Variants in SFT2D1 observed in about 807,000 individuals in gnomAD.
The protein encoded by SFT2D1 is vesicle transport protein SFT2A.
In SFT2D1, 24 loss-of-function variants were observed where a neutral mutation model predicts 28.1. The observed-to-expected ratio is 0.85, with a 90% CI of 0.62 to 1.20. SFT2D1 has a LOEUF of 1.20. Among genes scored for constraint, SFT2D1 ranks in the 50% most tolerant of loss-of-function variants. The pLI, the probability that SFT2D1 is intolerant of heterozygous loss-of-function variation, is 0.00. For synonymous variants in SFT2D1, 82 were observed against 73.7 expected (o/e 1.11, Z -0.58); for missense variants, 181 against 190.9 (o/e 0.95, Z 0.31).
At chr6:166,339,101 G>A (rs765946545) in intron 1 of SFT2D1, among the ~76,000 whole-genome samples, 17 of 152,048 alleles carry the variant, frequency 1.1e-4, no homozygotes, top group African/African-American at 2.4e-4. Context: ...AGGTCTGTGC[G>A]CCTTTAATCC....
chr6:166,336,206 T>TTAC (rs1366575013), intron 1 of SFT2D1, among the ~76,000 whole-genome samples: 1 of 152,084 alleles, frequency 6.6e-6, no homozygotes, highest in African/African-American at 2.4e-5. Flanking sequence ...ACTTGGAACT[T>TTAC]ATTTACACTC....
Position 166,320,027 on chromosome 6 carries a change from A to T in SFT2D1, c.*190T>A, listed in dbSNP as rs973362261. 1.8e-5 allele frequency: 10 copies of T among 558,224 alleles called. No homozygotes were observed. The highest frequency in any genetic ancestry group is 3.9e-5 in the African/African-American group (2 of 50,848). The allele number at this position is 558,224 out of a possible 1,614,324, so 34.6% of individuals were successfully genotyped here. A position where few individuals can be genotyped will look rare whatever the true frequency, so the allele number is the denominator to read the frequency against. On this transcript the variant is annotated 3_prime_UTR_variant, in exon 8 of 8. Transcript: ENST00000361731. ...AAAGTATATTAATGACACATAATGA[A>T]TTTAAAGTTACAAGCATTTAATGGT...
At chr6:166,326,793 G>A (rs1210237674) in intron 4 of SFT2D1, among the ~76,000 whole-genome samples, 3 of 152,188 alleles carry the variant, frequency 2.0e-5, no homozygotes, top group South Asian at 2.1e-4. Flanking sequence ...ACGTTCCCAC[G>A]TTCTCTCAAC....
At chr6:166,336,637 T>C (rs1166076065) in intron 1 of SFT2D1, among the ~76,000 whole-genome samples, 1 of 152,200 alleles carries the variant, frequency 6.6e-6, no homozygotes, top group Non-Finnish European at 1.5e-5. Context: ...GAAAGGGCAA[T>C]GGATCCTTCT....
chr6:166,334,189 C>G (rs760537033), intron 1 of SFT2D1, among the ~76,000 whole-genome samples: 1 of 152,220 alleles, frequency 6.6e-6, no homozygotes, highest in Non-Finnish European at 1.5e-5. Context: ...TCCATCCATC[C>G]ATCCATCCAC....
intron 1 of SFT2D1, among the ~76,000 whole-genome samples, chr6:166,341,404 A>C (rs1487424869): frequency 1.3e-5 from 2 of 150,608 alleles, no homozygotes; most frequent in African/African-American, 4.9e-5. Context: ...AGTCGAGATC[A>C]CGCCACTGCA....
chr6:166,326,133 C>T lies in SFT2D1; in HGVS notation c.350G>A (p.Trp117Ter). The T allele has an allele frequency of 6.2e-7, 1 of 1,613,646 alleles. No individual in the cohort carries two copies. Among genetic ancestry groups the T allele is most frequent in the Non-Finnish European group, 8.5e-7 (1 of 1,179,696 alleles). Residue 117 changes from tryptophan (W) to a stop codon, truncating the protein, a stop_gained and splice_region_variant, in exon 5 of 8, where the codon TGG becomes TAG. Coordinates refer to ENST00000361731, the MANE Select transcript of SFT2D1 (RefSeq NM_145169.3). LOFTEE classifies it high-confidence loss of function. ...GCCAGTAGGGCTGACATAACTTACC[C>T]AAAGAGCAGCACACAGGGTAAATAT... is the stretch of plus-strand genomic sequence containing the variant. ...CFIFTLCAAL[W>*]WHKKGLAVLF...
At chr6:166,338,123 A>G (rs1264660654) in intron 1 of SFT2D1, among the ~76,000 whole-genome samples, 1 of 152,232 alleles carries the variant, frequency 6.6e-6, no homozygotes, top group Non-Finnish European at 1.5e-5. Flanking sequence ...AGTCTAAGGT[A>G]TTTTATTACA....
chr6:166,324,426 T>C (rs1583034260), intron 6 of SFT2D1, 111 bp downstream of exon 6: 6 of 992,756 alleles, frequency 6.0e-6, no homozygotes, highest in South Asian at 1.6e-5. Flanking sequence ...CTGCAGGGCC[T>C]GTCTGGCTCC....
intron 6 of SFT2D1, chr6:166,323,135 C>G: frequency 2.6e-6 from 1 of 391,958 alleles, no homozygotes; most frequent in Non-Finnish European, 4.5e-6. Context: ...TAAACAAACT[C>G]TCTAGGTGAT....
Position 166,329,525 on chromosome 6 carries a change from T to C in SFT2D1, c.215A>G (p.Asn72Ser), listed in dbSNP as rs755449607. Reference sequence around the variant, plus strand: ...AACGTACCTGGCTAACGCAGCAAGATTGCCGAGGGTATAAAACACTGCAAA... The same window carrying C: ...AACGTACCTGGCTAACGCAGCAAGACTGCCGAGGGTATAAAACACTGCAAA... Reference protein sequence around the residue: ...KLFAVFYTLGNLAALASTCFL... With the variant: ...KLFAVFYTLGSLAALASTCFL... The change falls in exon 3 of 8, where the codon AAT becomes AGT. Residue 72 changes from asparagine (N) to serine (S), a missense_variant. Transcript: ENST00000361731. 9 of 1,609,356 alleles carry C rather than the reference T, an allele frequency of 5.6e-6. No homozygotes were observed. Among genetic ancestry groups the C allele is most frequent in the East Asian group, 4.5e-5 (2 of 44,872 alleles).
At chr6:166,321,662 A>G (rs1159800536) in intron 7 of SFT2D1, among the ~76,000 whole-genome samples, 1 of 152,238 alleles carries the variant, frequency 6.6e-6, no homozygotes, top group Non-Finnish European at 1.5e-5. Flanking sequence ...TTTTAAATAT[A>G]TAACATATCT....
At chr6:166,330,305 T>C (rs1778527590) in intron 1 of SFT2D1, 58 bp from the exon 2 acceptor site, 1 of 1,184,052 alleles carries the variant, frequency 8.4e-7, no homozygotes, top group Non-Finnish European at 1.2e-6. Flanking sequence ...AATCTGATTC[T>C]TTATACTAAA....
Position 166,342,483 on chromosome 6 carries a change from G to A in SFT2D1, c.-2C>T. ...CAGGACTCGCCGCAGCTTCTCCATG[G>A]CCCTGTTACAGGGCCGTAGCGGCCG... On this transcript the variant is annotated 5_prime_UTR_variant, in exon 1 of 8. Transcript: ENST00000361731. 6 of 1,550,848 alleles carry A rather than the reference G, an allele frequency of 3.9e-6. No individual in the cohort carries two copies. The East Asian group carries it at 7.3e-5, about 19-fold the overall frequency.
At position 166,324,716 on chromosome 6, in the gene SFT2D1, T is replaced by G. The variant is rs114699581; in HGVS notation, c.352-121A>C. ...ATGGCTTCATTTATCTTTATTAAAT[T>G]TTAGTGTGATAAATTTAAGATACAG... On this transcript the variant is annotated intron_variant, in intron 5 of 7. Coordinates refer to ENST00000361731, the MANE Select transcript of SFT2D1 (RefSeq NM_145169.3). 1.3e-3 allele frequency: 1,194 copies of G among 905,156 alleles called. 19 individuals carry two copies. In the African/African-American group the frequency reaches 0.017, roughly 13 times the overall value. 56.1% of individuals were successfully genotyped at this position (905,156 alleles called of 1,614,324 possible). A position where few individuals can be genotyped will look rare whatever the true frequency, so the allele number is the denominator to read the frequency against.
intron 7 of SFT2D1, among the ~76,000 whole-genome samples, chr6:166,321,480 G>A (rs1284502299): frequency 6.6e-6 from 1 of 151,978 alleles, no homozygotes; most frequent in African/African-American, 2.4e-5. Context: ...TCCTATGCAT[G>A]GTAAATTACC....
intron 1 of SFT2D1, among the ~76,000 whole-genome samples, chr6:166,342,153 G>A (rs1475270300): frequency 1.3e-5 from 2 of 152,232 alleles, no homozygotes; most frequent in East Asian, 1.9e-4. Flanking sequence ...GGGAAAGCGA[G>A]GGCAGACGTT....
chr6:166,339,754 T>C (rs73788267), intron 1 of SFT2D1, among the ~76,000 whole-genome samples: 1,728 of 152,226 alleles, frequency 0.011, 25 homozygotes, highest in African/African-American at 0.04. Flanking sequence ...TCCTCCTCCT[T>C]CTCTCGCCAC....
chr6:166,324,310 C>G (rs1778405090), intron 6 of SFT2D1: 1 of 450,396 alleles, frequency 2.2e-6, no homozygotes, highest in South Asian at 5.4e-5. Flanking sequence ...GAACATATCA[C>G]TATGTAACTC....
Sources: gnomAD v4.1 joint callset for allele counts (sites outside exome capture counted in the v4.1 genomes callset) on GRCh38, gnomAD v4.1.1 for gene constraint, MANE v1.5 for transcripts, NCBI Gene and HGNC (gene_info 2026-07-23, HGNC 2026-07-21) for gene names.